The following R3HDM2 variants were observed in gnomAD, a reference collection of about 807,000 sequenced individuals.
The protein encoded by R3HDM2 is R3H domain-containing protein 2.
A neutral mutation model predicts 124.5 loss-of-function variants in R3HDM2; 38 were observed. The ratio of observed to expected loss-of-function variants is 0.31; its 90% CI spans 0.24 to 0.40. The LOEUF is 0.40. R3HDM2 is among the 10% of genes least tolerant of loss of function. The probability of loss-of-function intolerance (pLI) is 1.00; values close to 1 mark genes in which losing one functional copy is unlikely to be tolerated. For missense variants in R3HDM2, 869 were observed against 1,236.9 expected (o/e 0.70, Z 4.46); for synonymous variants, 391 against 448.0 (o/e 0.87, Z 1.61).
At chr12:57,333,444 C>G (rs1447167379) in intron 2 of R3HDM2, among the ~76,000 whole-genome samples, 1 of 152,114 alleles carries the variant, frequency 6.6e-6, no homozygotes, top group East Asian at 1.9e-4. Flanking sequence ...AATCCCAACA[C>G]TTTGGGAGGA....
intron 1 of R3HDM2, among the ~76,000 whole-genome samples, chr12:57,419,446 T>A (rs949772219): frequency 7.1e-6 from 1 of 141,498 alleles, no homozygotes. Flanking sequence ...TCTGGCCATC[T>A]TTTTTTTTTT....
At chr12:57,363,283 TATACC>T (rs145520093) in intron 2 of R3HDM2, among the ~76,000 whole-genome samples, 1,746 of 152,324 alleles carry the variant, frequency 0.011, 32 homozygotes, top group African/African-American at 0.039. Context: ...ACATAATTCA[TATACC>T]ATACAATTCA....
chr12:57,394,499 G>A (rs1046199638), intron 2 of R3HDM2, among the ~76,000 whole-genome samples: 13 of 152,180 alleles, frequency 8.5e-5, no homozygotes, highest in Admixed American at 2.0e-4. Context: ...TTGAACCCGG[G>A]AGGCGGAGGT....
intron 2 of R3HDM2, among the ~76,000 whole-genome samples, chr12:57,352,886 T>C (rs2060834013): frequency 6.6e-6 from 1 of 152,112 alleles, no homozygotes; most frequent in Non-Finnish European, 1.5e-5. Context: ...AACTTGATTA[T>C]ATTAGAAGCA....
At position 57,423,832 on chromosome 12, in the gene R3HDM2, A is replaced by C. The variant is rs573736993; in HGVS notation, c.-106+6888T>G. On this transcript the variant is annotated intron_variant, in intron 1 of 23. Transcript: ENST00000402412. ...TTAAAAAAAAAAAAAAAAAAAAAAAAGGCCAGGTGCAGTGGCTTACACCTG... is the reference window on the plus strand; with the variant it reads ...TTAAAAAAAAAAAAAAAAAAAAAAACGGCCAGGTGCAGTGGCTTACACCTG... Among the ~76,000 whole-genome samples the C allele has an allele frequency of 5.0e-3, 544 of 108,704 alleles. 7 individuals carry two copies. The highest frequency in any genetic ancestry group is 0.019 in the African/African-American group (509 of 26,756). The allele number at this position is 108,704 out of a possible 152,430, so 71.3% of individuals were successfully genotyped here. A position where few individuals can be genotyped will look rare whatever the true frequency, so the allele number is the denominator to read the frequency against.
chr12:57,321,345 T>C (rs2056415648), intron 2 of R3HDM2, among the ~76,000 whole-genome samples: 1 of 152,188 alleles, frequency 6.6e-6, no homozygotes, highest in East Asian at 1.9e-4. Flanking sequence ...CTGTACATAC[T>C]GAGACACACA....
rs1035898651 is a variant in R3HDM2, at chr12:57,266,969, C to T, written c.2031-138G>A. Reference sequence around the variant, plus strand: ...GCCATTCCCAGACCAATTTGCCATGCAATTTCTAAAATCACTCATCAGTTC... The same window carrying T: ...GCCATTCCCAGACCAATTTGCCATGTAATTTCTAAAATCACTCATCAGTTC... On this transcript the variant is annotated intron_variant, in intron 18 of 23. Coordinates refer to ENST00000402412, the MANE Select transcript of R3HDM2 (RefSeq NM_001394031.1). The T allele has an allele frequency of 6.7e-5, 40 of 595,022 alleles. No homozygotes were observed. The African/African-American group carries it at 6.8e-4, about 10-fold the overall frequency. 36.9% of individuals were successfully genotyped at this position (595,022 alleles called of 1,614,324 possible). A position where few individuals can be genotyped will look rare whatever the true frequency, so the allele number is the denominator to read the frequency against.
chr12:57,271,437 TACACACAC>T (rs34695167), intron 14 of R3HDM2, among the ~76,000 whole-genome samples: 7 of 149,520 alleles, frequency 4.7e-5, no homozygotes, highest in Admixed American at 4.0e-4. Flanking sequence ...TGGACAGTAA[TACACACAC>T]ACACACACAC....
rs555354713 is a variant in R3HDM2 at position 57,402,770 on chromosome 12, C to CA, written c.-105-6953dup. Among the ~76,000 whole-genome samples the CA allele has an allele frequency of 4.6e-3, 684 of 150,220 alleles. 5 individuals are homozygous for CA. The highest frequency in any genetic ancestry group is 0.015 in the African/African-American group (630 of 40,938). ...GGGCAACAAAGCAGGACTCTGTCTC[C>CA]AAAAAAAAACTCCTGGCCTCAAGTG... On this transcript the variant is annotated intron_variant, in intron 1 of 23. Coordinates refer to ENST00000402412, the MANE Select transcript of R3HDM2 (RefSeq NM_001394031.1).
intron 1 of R3HDM2, chr12:57,418,477 G>A: frequency 1.1e-5 from 3 of 263,490 alleles, no homozygotes; most frequent in Non-Finnish European, 1.8e-5. Flanking sequence ...AGTGACAGTG[G>A]AAAGGAAACT....
intron 1 of R3HDM2, among the ~76,000 whole-genome samples, chr12:57,405,569 G>C (rs932142374): frequency 6.6e-6 from 1 of 152,150 alleles, no homozygotes; most frequent in Non-Finnish European, 1.5e-5. Context: ...GGAAGATCAA[G>C]ACTGCAGTGA....
intron 2 of R3HDM2, among the ~76,000 whole-genome samples, chr12:57,319,943 A>G (rs1308346003): frequency 6.6e-6 from 1 of 152,092 alleles, no homozygotes. Context: ...TTCTGGGCCA[A>G]AACAAAAGCA....
At chr12:57,402,279 A>G (rs2068110308) in intron 1 of R3HDM2, among the ~76,000 whole-genome samples, 1 of 151,726 alleles carries the variant, frequency 6.6e-6, no homozygotes, top group Admixed American at 6.6e-5. Context: ...TGGGCAAGAG[A>G]GCAAGACTCC....
At chr12:57,401,021 A>G (rs1340961203) in intron 1 of R3HDM2, among the ~76,000 whole-genome samples, 1 of 152,104 alleles carries the variant, frequency 6.6e-6, no homozygotes, top group Admixed American at 6.6e-5. Context: ...AAGAAAGACA[A>G]GTCAGGGCAA....
At chr12:57,391,312 G>A (rs2066650111) in intron 2 of R3HDM2, among the ~76,000 whole-genome samples, 1 of 152,108 alleles carries the variant, frequency 6.6e-6, no homozygotes, top group South Asian at 2.1e-4. Flanking sequence ...AGATAATTAA[G>A]CTAAGTGGGG....
chr12:57,305,791 C>A (rs1047682368), intron 3 of R3HDM2: 14 of 393,856 alleles, frequency 3.6e-5, no homozygotes, highest in African/African-American at 2.9e-4. Flanking sequence ...TAGATTCATA[C>A]ATTTACAGAT....
chr12:57,303,250 G>A (rs1003021407), intron 3 of R3HDM2, 33 bp from the exon 4 acceptor site: 2 of 1,478,670 alleles, frequency 1.4e-6, no homozygotes, highest in African/African-American at 2.8e-5. Context: ...TATTAAAGGT[G>A]GAAGAAAATC....
At chr12:57,261,859 G>A (rs981859765) in intron 19 of R3HDM2, among the ~76,000 whole-genome samples, 6 of 152,008 alleles carry the variant, frequency 3.9e-5, no homozygotes, top group Non-Finnish European at 8.8e-5. Context: ...AAGTGGGAGG[G>A]GGGGTTGAAT....
At chr12:57,288,741 A>T in intron 12 of R3HDM2, 1 of 906,056 alleles carries the variant, frequency 1.1e-6, no homozygotes, top group Non-Finnish European at 1.7e-6. Flanking sequence ...AAAACCACAA[A>T]TTTAATTATT....
Sources: gnomAD v4.1 joint callset for allele counts (sites outside exome capture counted in the v4.1 genomes callset) on GRCh38, gnomAD v4.1.1 for gene constraint, MANE v1.5 for transcripts, NCBI Gene and HGNC (gene_info 2026-07-23, HGNC 2026-07-21) for gene names.